The following DISP3 variants were observed in gnomAD, a reference collection of about 807,000 sequenced individuals.
The protein encoded by DISP3 is protein dispatched homolog 3.
A neutral mutation model predicts 135.3 loss-of-function variants in DISP3; 101 were observed. That is an observed-to-expected ratio of 0.75 (90% CI 0.64 to 0.88). DISP3 has a LOEUF of 0.88. Ranked by LOEUF, DISP3 falls within the 40% of genes least tolerant of loss-of-function variation. The pLI is 0.00. For synonymous variants in DISP3, 856 were observed against 817.0 expected (o/e 1.05, Z -0.81); for missense variants, 1,713 against 1,878.6 (o/e 0.91, Z 1.63).
At chr1:11,527,065 G>T (rs1171926865) in intron 13 of DISP3, among the ~76,000 whole-genome samples, 1 of 152,058 alleles carries the variant, frequency 6.6e-6, no homozygotes, top group East Asian at 1.9e-4. Flanking sequence ...TGAGTAGCTG[G>T]GATTACAGAC....
At chr1:11,500,740 CT>C (rs1462457324) in intron 1 of DISP3, among the ~76,000 whole-genome samples, 2 of 152,114 alleles carry the variant, frequency 1.3e-5, no homozygotes, top group African/African-American at 2.4e-5. Flanking sequence ...TGCGATTTTC[CT>C]TTTTTCTGTG....
chr1:11,491,432 T>A lies in DISP3; in HGVS notation c.-3-9558T>A, dbSNP rs1164806523. On this transcript the variant is annotated intron_variant, in intron 1 of 20. Transcript: ENST00000294484. The surrounding 1 kb of genome is among the most constrained non-coding windows in gnomAD (Gnocchi z 4.3). ...CTGGGCAACCTAGCAAAACGCCATCTTTACAAAAAATTAAAAACAAAAAAC... is the reference window on the plus strand; with the variant it reads ...CTGGGCAACCTAGCAAAACGCCATCATTACAAAAAATTAAAAACAAAAAAC... 6.6e-6 allele frequency among the ~76,000 whole-genome samples: 1 copy of A among 152,062 alleles called. No individual in the cohort carries two copies. Among genetic ancestry groups the A allele is most frequent in the Non-Finnish European group, 1.5e-5 (1 of 68,000 alleles).
chr1:11,523,881 A>G (rs917860752), intron 10 of DISP3, 61 bp from the exon 11 acceptor site: 16 of 1,405,786 alleles, frequency 1.1e-5, no homozygotes, highest in African/African-American at 1.4e-5. Flanking sequence ...CCCTCTGCCC[A>G]TCGGGCCCAG....
At chr1:11,502,536 TG>T in intron 2 of DISP3, 141 bp from the exon 3 acceptor site, 2 of 675,988 alleles carry the variant, frequency 3.0e-6, no homozygotes, top group Non-Finnish European at 4.9e-6. Context: ...AGAGAGGTTG[TG>T]GGGCCTGGGG....
rs190934037 is a variant in DISP3 at position 11,489,589 on chromosome 1, C to G, written c.-4+10217C>G. ...GGAGCCTCTCCCAGCATCCAGCCCC[C>G]CTTGCTCTGCCTCAGTCTGATTCTC... is the stretch of plus-strand genomic sequence containing the variant. On this transcript the variant is annotated intron_variant, in intron 1 of 20. Transcript: ENST00000294484. 6.6e-5 allele frequency among the ~76,000 whole-genome samples: 10 copies of G among 152,242 alleles called. No individual in the cohort carries two copies. In the East Asian group the frequency reaches 9.6e-4, roughly 15 times the overall value.
rs1267680685 is a variant in DISP3 at position 11,529,085 on chromosome 1, G to C, written c.2799-471G>C. Among the ~76,000 whole-genome samples, 1 of 152,170 alleles carries C rather than the reference G, an allele frequency of 6.6e-6. No homozygotes were observed. Among genetic ancestry groups the C allele is most frequent in the African/African-American group, 2.4e-5 (1 of 41,432 alleles). ...CTAGAAAGAACTTTGAGCTGCACTGGGTCTAGTGGTTAGCCAGCTGTTGAC... is the reference window on the plus strand; with the variant it reads ...CTAGAAAGAACTTTGAGCTGCACTGCGTCTAGTGGTTAGCCAGCTGTTGAC... On this transcript the variant is annotated intron_variant, in intron 13 of 20. Coordinates refer to ENST00000294484, the MANE Select transcript of DISP3 (RefSeq NM_020780.2). The surrounding 1 kb of genome is among the most constrained non-coding windows in gnomAD (Gnocchi z 4.7).
At position 11,529,578 on chromosome 1, in the gene DISP3, C is replaced by T; in HGVS notation, c.2821C>T (p.His941Tyr). 1 of 1,584,868 alleles carries T rather than the reference C, an allele frequency of 6.3e-7. No individual in the cohort carries two copies. The highest frequency in any genetic ancestry group is 8.6e-7 in the Non-Finnish European group (1 of 1,161,940). ...CAGGAAGCTGTACTTCGCCCAGTCC[C>T]ACAAGCCCCCCTTCCACGGGCGCGT... ...HTRKLYFAQS[H>Y]KPPFHGRVCM... The change falls in exon 14 of 21, where the codon CAC (histidine) becomes TAC (tyrosine). Residue 941 changes from histidine (H) to tyrosine (Y), a missense_variant. This residue lies in a region of DISP3 where 1,142 missense variants were observed against 1,384.6 expected (regional missense o/e 0.82). Coordinates refer to ENST00000294484, the MANE Select transcript of DISP3 (RefSeq NM_020780.2). This position sits in a 1 kb window ranked among gnomAD's most constrained non-coding sequence, Gnocchi z 4.7.
At chr1:11,490,252 G>A (rs1032458829) in intron 1 of DISP3, among the ~76,000 whole-genome samples, 2 of 151,356 alleles carry the variant, frequency 1.3e-5, no homozygotes, top group Non-Finnish European at 2.9e-5. Context: ...AGTGTTGCTG[G>A]GGTTTTTTGT....
chr1:11,533,775 C>T, intron 17 of DISP3: 3 of 716,660 alleles, frequency 4.2e-6, no homozygotes, highest in East Asian at 5.4e-5. Flanking sequence ...CTGGCTTGTG[C>T]TCAGCAAGAG....
At chr1:11,489,767 C>T (rs991584454) in intron 1 of DISP3, among the ~76,000 whole-genome samples, 1 of 152,190 alleles carries the variant, frequency 6.6e-6, no homozygotes, top group African/African-American at 2.4e-5. Context: ...GTCCTTGGGG[C>T]CACTTCTGCT....
At chr1:11,508,146 G>T (rs1641756943) in intron 3 of DISP3, among the ~76,000 whole-genome samples, 1 of 152,162 alleles carries the variant, frequency 6.6e-6, no homozygotes, top group Non-Finnish European at 1.5e-5. Flanking sequence ...CACTAGCAGG[G>T]TACCGTAGTT....
chr1:11,495,535 C>T (rs940900736), intron 1 of DISP3, among the ~76,000 whole-genome samples: 15 of 152,238 alleles, frequency 9.9e-5, no homozygotes, highest in African/African-American at 3.6e-4. Flanking sequence ...GTGAAAACTT[C>T]ATCCAGGAAT....
At position 11,520,926 on chromosome 1, in the gene DISP3, A is replaced by T. The variant is rs1642169706; in HGVS notation, c.2362+78A>T. 2 of 1,455,044 alleles carry T rather than the reference A, an allele frequency of 1.4e-6. No individual in the cohort carries two copies. Among genetic ancestry groups the T allele is most frequent in the Admixed American group, 4.4e-5 (2 of 44,982 alleles). The allele number at this position is 1,455,044 out of a possible 1,614,324, so 90.1% of individuals were successfully genotyped here. On this transcript the variant is annotated intron_variant, in intron 10 of 20. Transcript: ENST00000294484. The surrounding 1 kb of genome is among the most constrained non-coding windows in gnomAD (Gnocchi z 4.8). The stretch of plus-strand genomic sequence containing the variant: ...AGACTGTTGGTCTGAGAGATGCAGG[A>T]TCCAGGGTCCCCATCAATGCCAGAC...
In DISP3 at chr1:11,514,586, A is replaced by G. The variant is rs1641949940; in HGVS notation, c.1453+60A>G. ...TCCCAGGGTGCTCCTGTCTGCCCAG[A>G]GCCTGCCTTCTCAAGAATGCTGCAA... On this transcript the variant is annotated intron_variant, in intron 4 of 20. Transcript: ENST00000294484. 4 of 1,558,620 alleles carry G rather than the reference A, an allele frequency of 2.6e-6. No homozygotes were observed. In the East Asian group the frequency reaches 9.1e-5, roughly 35 times the overall value.
intron 10 of DISP3, among the ~76,000 whole-genome samples, chr1:11,522,452 C>T (rs933707059): frequency 1.3e-5 from 2 of 152,176 alleles, no homozygotes; most frequent in African/African-American, 2.4e-5. Context: ...GCATTGCTCC[C>T]CATCATCACC....
chr1:11,499,029 G>A lies in DISP3; in HGVS notation c.-3-1961G>A, dbSNP rs1641423794. On this transcript the variant is annotated intron_variant, in intron 1 of 20. Transcript: ENST00000294484. This position sits in a 1 kb window ranked among gnomAD's most constrained non-coding sequence, Gnocchi z 5.2. ...GGCGAGAAGCTTAGACAGGAAGCTG[G>A]GGGGTTCAGATCTGGGAAAGCTTCT... 6.6e-6 allele frequency among the ~76,000 whole-genome samples: 1 copy of A among 152,170 alleles called. No individual in the cohort carries two copies. Among genetic ancestry groups the A allele is most frequent in the African/African-American group, 2.4e-5 (1 of 41,422 alleles).
intron 3 of DISP3, among the ~76,000 whole-genome samples, chr1:11,505,374 C>G (rs990089869): frequency 6.6e-6 from 1 of 152,204 alleles, no homozygotes; most frequent in Non-Finnish European, 1.5e-5. Flanking sequence ...AGGAAAGGTA[C>G]TTGGCTGGGT....
intron 3 of DISP3, among the ~76,000 whole-genome samples, chr1:11,513,391 A>C (rs928273615): frequency 7.9e-5 from 12 of 152,038 alleles, no homozygotes; most frequent in African/African-American, 2.9e-4. Flanking sequence ...TTTGTTTTTT[A>C]AATGTATTTT....
chr1:11,506,182 T>C (rs1213748233), intron 3 of DISP3, among the ~76,000 whole-genome samples: 1 of 152,252 alleles, frequency 6.6e-6, no homozygotes, highest in Non-Finnish European at 1.5e-5. Flanking sequence ...GATTTCTTTG[T>C]CTTTGTTTTC....
Sources: allele counts gnomAD v4.1 joint callset (sites outside exome capture counted in the v4.1 genomes callset), GRCh38; gene constraint gnomAD v4.1.1; regional missense constraint gnomAD v4.1.1; non-coding constraint Gnocchi (gnomAD v3.1); transcripts MANE v1.5; gene names NCBI Gene and HGNC (gene_info 2026-07-23, HGNC 2026-07-21).